The following RNF144B variants were observed in gnomAD, a reference collection of about 807,000 sequenced individuals.
RNF144B encodes ring finger protein 144B.
In RNF144B, 25 loss-of-function variants were observed where a neutral mutation model predicts 40.2. That is an observed-to-expected ratio of 0.62 (90% confidence interval 0.45 to 0.87). The LOEUF (loss-of-function observed/expected upper bound fraction) is 0.87. Ranked by LOEUF, RNF144B falls within the 40% of genes least tolerant of loss-of-function variation. The pLI is 0.00. For synonymous variants in RNF144B, 145 were observed against 136.3 expected (o/e 1.06, Z -0.44); for missense variants, 365 against 373.7 (o/e 0.98, Z 0.19).
At position 18,464,422 on chromosome 6, in the gene RNF144B, T is replaced by C. The variant is rs1282606245; in HGVS notation, c.772-505T>C. ...TCTGGCTTCTCTCCAATTCAGATCA[T>C]TGCTGGGCACTAGCTGAAAGGTCCC... On this transcript the variant is annotated intron_variant, in intron 7 of 7. Coordinates refer to ENST00000259939, the MANE Select transcript of RNF144B (RefSeq NM_182757.4). The surrounding 1 kb of genome is among the most constrained non-coding windows in gnomAD (Gnocchi z 6.1). 6.6e-6 allele frequency among the ~76,000 whole-genome samples: 1 copy of C among 152,186 alleles called. No individual in the cohort carries two copies. The highest frequency in any genetic ancestry group is 1.5e-5 in the Non-Finnish European group (1 of 68,026).
rs1582420702 is a variant in RNF144B at position 18,425,365 on chromosome 6, A to T, written c.166-2216A>T. On this transcript the variant is annotated intron_variant, in intron 2 of 7. Coordinates refer to ENST00000259939, the MANE Select transcript of RNF144B (RefSeq NM_182757.4). This position sits in a 1 kb window ranked among gnomAD's most constrained non-coding sequence, Gnocchi z 4.2. Reference sequence around the variant, plus strand: ...AGTAACAATGGAACAGGTGTGGCTGATGGAAGGCTGAGATGTCCTCAGCAG... The same window carrying T: ...AGTAACAATGGAACAGGTGTGGCTGTTGGAAGGCTGAGATGTCCTCAGCAG... Among the ~76,000 whole-genome samples, 1 of 152,148 alleles carries T rather than the reference A, an allele frequency of 6.6e-6. No individual in the cohort carries two copies. The highest frequency in any genetic ancestry group is 6.6e-5 in the Admixed American group (1 of 15,260).
chr6:18,427,661 C>T lies in RNF144B; in HGVS notation c.246C>T (p.Asn82=), dbSNP rs1462002405. The T allele has an allele frequency of 6.2e-7, 1 of 1,612,678 alleles. No homozygotes were observed. The highest frequency in any genetic ancestry group is 2.2e-5 in the East Asian group (1 of 44,854). Residue 82 remains asparagine, a synonymous_variant, in exon 3 of 8, where the codon AAC becomes AAT. Transcript: ENST00000259939. ...PITCPDMVCL[N]HGTLQEAEIA... Reference sequence around the variant, plus strand: ...CTTGCCCTGACATGGTGTGCCTAAACCACGGGACCCTGCAGGAAGCTGAGG... The same window carrying T: ...CTTGCCCTGACATGGTGTGCCTAAATCACGGGACCCTGCAGGAAGCTGAGG...
chr6:18,392,497 A>G (rs1217697304), intron 1 of RNF144B, among the ~76,000 whole-genome samples: 2 of 152,144 alleles, frequency 1.3e-5, no homozygotes, highest in Non-Finnish European at 2.9e-5. Flanking sequence ...TAATAGGGCT[A>G]TATTTGCATA....
In RNF144B at chr6:18,460,003, G is replaced by T. The variant is rs1402036135; in HGVS notation, c.681+252G>T. 6.6e-6 allele frequency among the ~76,000 whole-genome samples: 1 copy of T among 152,138 alleles called. No homozygotes were observed. Among genetic ancestry groups the T allele is most frequent in the African/African-American group, 2.4e-5 (1 of 41,428 alleles). On this transcript the variant is annotated intron_variant, in intron 6 of 7. Coordinates refer to ENST00000259939, the MANE Select transcript of RNF144B (RefSeq NM_182757.4). This position sits in a 1 kb window ranked among gnomAD's most constrained non-coding sequence, Gnocchi z 4.4. ...GGGCATTTCTTGCTATTTGCACATT[G>T]TCTCTATTATGTAAAGGACTATTAG...
rs900281480 is a variant in RNF144B, at chr6:18,406,749, C to T, written c.165+7050C>T. 3.9e-5 allele frequency among the ~76,000 whole-genome samples: 6 copies of T among 151,944 alleles called. No individual in the cohort carries two copies. Among genetic ancestry groups the T allele is most frequent in the Non-Finnish European group, 8.8e-5 (6 of 68,012 alleles). ...CTTAATGGATTGGATGATGCCTGCT[C>T]GCAATGGGGAGGGTAAACTGCTTTA... On this transcript the variant is annotated intron_variant, in intron 2 of 7. Transcript: ENST00000259939. The surrounding 1 kb of genome is among the most constrained non-coding windows in gnomAD (Gnocchi z 4.2).
intron 4 of RNF144B, among the ~76,000 whole-genome samples, chr6:18,440,811 A>ATTTTT (rs1458155116): frequency 7.1e-6 from 1 of 140,244 alleles, no homozygotes. Context: ...TTTTTTTTTA[A>ATTTTT]AAATCCAGCA....
intron 2 of RNF144B, among the ~76,000 whole-genome samples, chr6:18,403,064 G>A (rs1182829382): frequency 6.6e-6 from 1 of 152,210 alleles, no homozygotes; most frequent in Non-Finnish European, 1.5e-5. Context: ...TCTCAGGGAT[G>A]TTTGTCTGTT....
At chr6:18,451,361 T>C (rs1180335740) in intron 4 of RNF144B, among the ~76,000 whole-genome samples, 3 of 152,176 alleles carry the variant, frequency 2.0e-5, no homozygotes, top group Admixed American at 6.5e-5. Flanking sequence ...TAAGAGGTCA[T>C]ATCTGGAGAA....
In RNF144B at chr6:18,406,188, G is replaced by GGC; in HGVS notation, c.165+6489_165+6490insGC. 1.9e-6 allele frequency: 1 copy of GGC among 518,318 alleles called. No individual in the cohort carries two copies. The highest frequency in any genetic ancestry group is 1.4e-5 in the South Asian group (1 of 71,494). 32.1% of individuals were successfully genotyped at this position (518,318 alleles called of 1,614,324 possible). On this transcript the variant is annotated intron_variant, in intron 2 of 7. Transcript: ENST00000259939. This position sits in a 1 kb window ranked among gnomAD's most constrained non-coding sequence, Gnocchi z 4.2. ...ACATAGATGCTAACAAGTAAATACA[G>GGC]AAGTCAGGTGATGGTTTGTGCTATG...
At chr6:18,409,960 A>T (rs954880492) in intron 2 of RNF144B, among the ~76,000 whole-genome samples, 1 of 152,164 alleles carries the variant, frequency 6.6e-6, no homozygotes, top group Non-Finnish European at 1.5e-5. Context: ...GTGGAACAGA[A>T]TTTTATTTCT....
chr6:18,462,810 C>T (rs1446791303), intron 6 of RNF144B, among the ~76,000 whole-genome samples: 4 of 152,080 alleles, frequency 2.6e-5, no homozygotes, highest in South Asian at 2.1e-4. Context: ...CTCAATAAAG[C>T]GACTGCCTTC....
chr6:18,462,387 C>T (rs1759474472), intron 6 of RNF144B, among the ~76,000 whole-genome samples: 1 of 152,170 alleles, frequency 6.6e-6, no homozygotes, highest in Admixed American at 6.5e-5. Context: ...GTGATACCAC[C>T]TCTGTTGGTT....
At chr6:18,390,644 G>A (rs1231507181) in intron 1 of RNF144B, among the ~76,000 whole-genome samples, 2 of 152,222 alleles carry the variant, frequency 1.3e-5, no homozygotes, top group African/African-American at 4.8e-5. Context: ...TCACGAGTTT[G>A]AGTCCCAGCC....
intron 2 of RNF144B, among the ~76,000 whole-genome samples, chr6:18,417,313 A>C (rs1268881930): frequency 6.6e-6 from 1 of 152,196 alleles, no homozygotes; most frequent in African/African-American, 2.4e-5. Flanking sequence ...TCTATTCCTC[A>C]TTTCAAAACT....
At chr6:18,426,126 A>T (rs560961244) in intron 2 of RNF144B, among the ~76,000 whole-genome samples, 2 of 152,202 alleles carry the variant, frequency 1.3e-5, no homozygotes, top group Non-Finnish European at 2.9e-5. Context: ...CAATATTCTG[A>T]CCCTAGAATT....
intron 2 of RNF144B, among the ~76,000 whole-genome samples, chr6:18,409,302 C>T (rs540663882): frequency 5.8e-5 from 8 of 138,786 alleles, no homozygotes; most frequent in East Asian, 2.4e-4. Context: ...TGCTTGAACC[C>T]GGGAAGTGGA....
intron 2 of RNF144B, among the ~76,000 whole-genome samples, chr6:18,409,756 G>C (rs535869193): frequency 6.6e-6 from 1 of 151,890 alleles, no homozygotes; most frequent in East Asian, 2.0e-4. Context: ...TTTTAGTAGA[G>C]ATGGGATTTC....
In RNF144B at chr6:18,418,779, TAATATAA is replaced by T; in HGVS notation, c.166-8795_166-8789del. 6.6e-6 allele frequency among the ~76,000 whole-genome samples: 1 copy of T among 151,632 alleles called. No homozygotes were observed. Among genetic ancestry groups the T allele is most frequent in the East Asian group, 1.9e-4 (1 of 5,164 alleles). On this transcript the variant is annotated intron_variant, in intron 2 of 7. Coordinates refer to ENST00000259939, the MANE Select transcript of RNF144B (RefSeq NM_182757.4). The surrounding 1 kb of genome is among the most constrained non-coding windows in gnomAD (Gnocchi z 5.2). ...AATTATATCTCAATAAAACATGACA[TAATATAA>T]AATATATAATATTTACATATCATAT... is the stretch of plus-strand genomic sequence containing the variant.
chr6:18,410,055 G>T lies in RNF144B; in HGVS notation c.165+10356G>T, dbSNP rs1215154641. Among the ~76,000 whole-genome samples, 1 of 152,100 alleles carries T rather than the reference G, an allele frequency of 6.6e-6. No homozygotes were observed. Among genetic ancestry groups the T allele is most frequent in the Non-Finnish European group, 1.5e-5 (1 of 68,024 alleles). On this transcript the variant is annotated intron_variant, in intron 2 of 7. Coordinates refer to ENST00000259939, the MANE Select transcript of RNF144B (RefSeq NM_182757.4). This position sits in a 1 kb window ranked among gnomAD's most constrained non-coding sequence, Gnocchi z 4.6. ...CTTTTCCCCCCTTAAGCATGCCTTT[G>T]CCAAAGTTTAATTCTTCAAACCACA...
Sources: allele counts gnomAD v4.1 joint callset (sites outside exome capture counted in the v4.1 genomes callset), GRCh38; gene constraint gnomAD v4.1.1; non-coding constraint Gnocchi (gnomAD v3.1); transcripts MANE v1.5; gene names NCBI Gene and HGNC (gene_info 2026-07-23, HGNC 2026-07-21).